LRRIQ3: variants seen among roughly 807,000 people sequenced by gnomAD.
LRRIQ3 encodes leucine-rich repeat and IQ domain-containing protein 3.
Under a neutral mutation model 59.3 loss-of-function variants are expected in LRRIQ3, and 75 were observed. The observed-to-expected ratio is 1.26, with a 90% CI of 1.05 to 1.53. The LOEUF (loss-of-function observed/expected upper bound fraction) is 1.53, where lower values mean the gene tolerates loss of function less well. Among genes scored for constraint, LRRIQ3 ranks in the 40% most tolerant of loss-of-function variants. The pLI is 0.00. For missense variants in LRRIQ3, 831 were observed against 710.0 expected (o/e 1.17, Z -1.94); for synonymous variants, 250 against 231.3 (o/e 1.08, Z -0.73).
At chr1:74,049,757 T>C (rs566331477) in intron 6 of LRRIQ3, among the ~76,000 whole-genome samples, 2 of 152,216 alleles carry the variant, frequency 1.3e-5, no homozygotes, top group South Asian at 2.1e-4. Context: ...ATTCAAATTG[T>C]TTATATTAAA....
Position 74,104,530 on chromosome 1 carries a change from CA to C in LRRIQ3, c.867+4863del, listed in dbSNP as rs147294224. Among the ~76,000 whole-genome samples the C allele has an allele frequency of 4.3e-3, 660 of 152,002 alleles. 3 individuals carry two copies. The highest frequency in any genetic ancestry group is 0.015 in the African/African-American group (633 of 41,498). On this transcript the variant is annotated intron_variant, in intron 5 of 7. Coordinates refer to ENST00000354431, the MANE Select transcript of LRRIQ3 (RefSeq NM_001105659.2). ...TGTGCTCAAAGCCACATGAAAAAGGCATAAAGGAGACTTAAACACATATCAC... is the reference window on the plus strand; with the variant it reads ...TGTGCTCAAAGCCACATGAAAAAGGCTAAAGGAGACTTAAACACATATCAC...
intron 3 of LRRIQ3, among the ~76,000 whole-genome samples, chr1:74,163,071 A>G (rs914776190): frequency 2.0e-5 from 3 of 151,614 alleles, no homozygotes; most frequent in Non-Finnish European, 4.4e-5. Flanking sequence ...GGATCACTAT[A>G]CACTATATAT....
intron 4 of LRRIQ3, among the ~76,000 whole-genome samples, chr1:74,132,410 A>C (rs1346314715): frequency 6.6e-6 from 1 of 152,162 alleles, no homozygotes; most frequent in African/African-American, 2.4e-5. Flanking sequence ...TTGCCAAGTC[A>C]ATGCTAAGCC....
At chr1:74,036,107 TTC>T (rs1427514436) in intron 7 of LRRIQ3, among the ~76,000 whole-genome samples, 2 of 152,174 alleles carry the variant, frequency 1.3e-5, no homozygotes, top group African/African-American at 4.8e-5. Flanking sequence ...TAGTTAAGGC[TTC>T]TCTTTGAAGG....
At chr1:74,155,537 A>G in intron 4 of LRRIQ3, 196 bp downstream of exon 4, 1 of 360,246 alleles carries the variant, frequency 2.8e-6, no homozygotes, top group Non-Finnish European at 5.0e-6. Flanking sequence ...AAAAAATAAA[A>G]TATCAAATGT....
chr1:74,166,227 TC>T (rs1228252834), intron 3 of LRRIQ3, among the ~76,000 whole-genome samples: 1 of 151,750 alleles, frequency 6.6e-6, no homozygotes, highest in Non-Finnish European at 1.5e-5. Context: ...GAAATCAATT[TC>T]CTTAATAGTT....
intron 4 of LRRIQ3, among the ~76,000 whole-genome samples, chr1:74,140,840 A>C (rs2100636188): frequency 6.6e-6 from 1 of 151,936 alleles, no homozygotes; most frequent in East Asian, 1.9e-4. Context: ...CTAGAATTAA[A>C]CCCTTTACAA....
At chr1:74,144,006 C>T (rs1254824129) in intron 4 of LRRIQ3, among the ~76,000 whole-genome samples, 1 of 151,838 alleles carries the variant, frequency 6.6e-6, no homozygotes, top group East Asian at 1.9e-4. Flanking sequence ...ACTAGTGAAG[C>T]ATTAACGATG....
intron 4 of LRRIQ3, among the ~76,000 whole-genome samples, chr1:74,128,583 C>A (rs1019418866): frequency 6.6e-6 from 1 of 152,092 alleles, no homozygotes; most frequent in East Asian, 1.9e-4. Flanking sequence ...TCTCTCTCAA[C>A]AGGATTAGTC....
At position 74,182,810 on chromosome 1, in the gene LRRIQ3, G is replaced by C. The variant is rs373421093; in HGVS notation, c.301C>G (p.Leu101Val). ...AACCCATTGTCATGAAGATAGAGTA[G>C]TTTTAGGTTCTTCAATCCATTCCAA... is the stretch of plus-strand genomic sequence containing the variant. ...KFWNGLKNLK[L>V]LYLHDNGFAK... is the part of the protein sequence containing the mutation. Residue 101 changes from leucine (L) to valine (V), a missense_variant, in exon 3 of 8, where the codon CTA (leucine) becomes GTA (valine). By Grantham distance (32) the Leu-to-Val change is conservative. Transcript: ENST00000354431. 8 of 1,594,314 alleles carry C rather than the reference G, an allele frequency of 5.0e-6. No individual in the cohort carries two copies. Among genetic ancestry groups the C allele is most frequent in the Non-Finnish European group, 6.0e-6 (7 of 1,169,804 alleles).
intron 4 of LRRIQ3, among the ~76,000 whole-genome samples, chr1:74,121,983 T>C (rs966926405): frequency 4.6e-5 from 7 of 152,050 alleles, no homozygotes; most frequent in Admixed American, 2.6e-4. Context: ...CAGTCTATCA[T>C]TGTTGGACAT....
At chr1:74,054,936 CA>C (rs900310574) in intron 6 of LRRIQ3, among the ~76,000 whole-genome samples, 1 of 146,348 alleles carries the variant, frequency 6.8e-6, no homozygotes, top group Non-Finnish European at 1.5e-5. Flanking sequence ...AATTGTATTA[CA>C]TATTATGAAT....
chr1:74,082,155 T>G (rs1646279781), intron 5 of LRRIQ3: 1 of 151,628 alleles, frequency 6.6e-6, no homozygotes, highest in Admixed American at 6.6e-5. Context: ...ATTATGTCTT[T>G]TTCAAAATAT....
intron 5 of LRRIQ3, chr1:74,084,089 C>G (rs1368838557): frequency 1.5e-6 from 2 of 1,335,242 alleles, no homozygotes; most frequent in African/African-American, 3.0e-5. Context: ...CCCTAGTGTC[C>G]AATCAGAGAC....
rs944341868 is a variant in LRRIQ3, at chr1:74,118,859, C to T, written c.708-9306G>A. 9.2e-5 allele frequency among the ~76,000 whole-genome samples: 14 copies of T among 152,174 alleles called. No homozygotes were observed. The East Asian group carries it at 1.7e-3, about 19-fold the overall frequency. Reference sequence around the variant, plus strand: ...CAAAATTCAGGCAGGGTTTCTATGTCGCAGTGTTGAGGAAGAAATGCTTCT... The same window carrying T: ...CAAAATTCAGGCAGGGTTTCTATGTTGCAGTGTTGAGGAAGAAATGCTTCT... On this transcript the variant is annotated intron_variant, in intron 4 of 7. Coordinates refer to ENST00000354431, the MANE Select transcript of LRRIQ3 (RefSeq NM_001105659.2).
At chr1:74,101,220 C>T (rs1439047424) in intron 5 of LRRIQ3, among the ~76,000 whole-genome samples, 1 of 152,022 alleles carries the variant, frequency 6.6e-6, no homozygotes, top group Non-Finnish European at 1.5e-5. Context: ...AAGAAAAAAA[C>T]AAACAACCCC....
At position 74,155,776 on chromosome 1, in the gene LRRIQ3, C is replaced by A. The variant is rs758821601; in HGVS notation, c.664G>T (p.Val222Phe). ...ILAHNSPVLIVQRWIRGFLVR... is the reference protein window; with the variant it reads ...ILAHNSPVLIFQRWIRGFLVR... ...AAGAAACCACGTATCCATCTTTGAA[C>A]AATCAAAACTGGTGAATTATGAGCC... Residue 222 changes from valine (V) to phenylalanine (F), a missense_variant, in exon 4 of 8, where the codon GTT becomes TTT. Val to Phe is a conservative substitution (Grantham distance 50). Coordinates refer to ENST00000354431, the MANE Select transcript of LRRIQ3 (RefSeq NM_001105659.2). 3.2e-6 allele frequency: 5 copies of A among 1,582,640 alleles called. No individual in the cohort carries two copies. The Admixed American group carries it at 9.3e-5, about 29-fold the overall frequency.
chr1:74,159,202 C>A (rs1648519007), intron 3 of LRRIQ3, among the ~76,000 whole-genome samples: 1 of 152,144 alleles, frequency 6.6e-6, no homozygotes. Context: ...CTGCCTATTG[C>A]AATAGTTCCT....
chr1:74,138,151 A>C lies in LRRIQ3; in HGVS notation c.707+17582T>G, dbSNP rs868013684. Among the ~76,000 whole-genome samples the C allele has an allele frequency of 1.8e-4, 13 of 72,900 alleles. No individual in the cohort carries two copies. The Middle Eastern group carries it at 0.045, about 250-fold the overall frequency. 47.8% of individuals were successfully genotyped at this position (72,900 alleles called of 152,430 possible). On this transcript the variant is annotated intron_variant, in intron 4 of 7. Transcript: ENST00000354431. ...TCCTGGCTCTTTTGCTTCCTTTAAA[A>C]AAACAAACAAACAAAAAAAAAAAAC...
Sources: gnomAD v4.1 joint callset for allele counts (sites outside exome capture counted in the v4.1 genomes callset) on GRCh38, gnomAD v4.1.1 for gene constraint, MANE v1.5 for transcripts, NCBI Gene and HGNC (gene_info 2026-07-23, HGNC 2026-07-21) for gene names.